Variants in RNF212 observed in about 807,000 individuals in gnomAD.
RNF212 encodes ring finger protein 212.
A neutral mutation model predicts 34.7 loss-of-function variants in RNF212; 33 were observed. The ratio of observed to expected loss-of-function variants is 0.95; its 90% CI spans 0.72 to 1.27. RNF212 has a LOEUF of 1.27. RNF212 is among the 50% of genes most tolerant of loss of function. The pLI, the probability that RNF212 is intolerant of heterozygous loss-of-function variation, is 0.00. For missense variants in RNF212, 377 were observed against 362.2 expected (o/e 1.04, Z -0.33); for synonymous variants, 140 against 136.1 (o/e 1.03, Z -0.20).
At chr4:1,095,509 A>G (rs1722936427) in intron 3 of RNF212, among the ~76,000 whole-genome samples, 1 of 83,098 alleles carries the variant, frequency 1.2e-5, no homozygotes. Context: ...AACCAAGCAC[A>G]ACTCCCACAG....
Position 1,073,588 on chromosome 4 carries a change from A to C in RNF212, c.574+11T>G. 6.3e-7 allele frequency: 1 copy of C among 1,581,170 alleles called. No homozygotes were observed. Among genetic ancestry groups the C allele is most frequent in the Admixed American group, 1.7e-5 (1 of 59,944 alleles). ...ATGTATCGGTCTGAGGTTACAGGAC[A>C]TTTTACTTACCCATTCGTCCATCTT... On this transcript the variant is annotated intron_variant, in intron 9 of 9. Transcript: ENST00000433731.
At chr4:1,074,291 G>C (rs1394964931) in intron 8 of RNF212, among the ~76,000 whole-genome samples, 1 of 152,152 alleles carries the variant, frequency 6.6e-6, no homozygotes, top group East Asian at 1.9e-4. Flanking sequence ...ACTTCTAGTT[G>C]CTGCCCCTTC....
Position 1,072,692 on chromosome 4 carries a change from ATT to A in RNF212, c.*180_*181del, listed in dbSNP as rs1718635887. 10 of 1,332,276 alleles carry A rather than the reference ATT, an allele frequency of 7.5e-6. No homozygotes were observed. The highest frequency in any genetic ancestry group is 9.8e-6 in the Non-Finnish European group (10 of 1,019,768). The allele number at this position is 1,332,276 out of a possible 1,614,324, so 82.5% of individuals were successfully genotyped here. On this transcript the variant is annotated 3_prime_UTR_variant, in exon 10 of 10. Transcript: ENST00000433731. ...ACAATATATATGAGTACATAAAAATATTGTCTCTAAAATTCAAAGGTCAAATA... is the reference window on the plus strand; with the variant it reads ...ACAATATATATGAGTACATAAAAATAGTCTCTAAAATTCAAAGGTCAAATA...
rs1181536240 is a variant in RNF212 at position 1,073,645 on chromosome 4, G to A, written c.528C>T (p.Gly176=). Residue 176 remains glycine (G), a synonymous_variant, in exon 9 of 10, where the codon GGC becomes GGT. Transcript: ENST00000433731. ...GACTAATCATGGAGATTCTCGCAGG[G>A]CCGGCTGCTATCTCAGACTAAGAAT... ...SPIRKSEIAA[G]PARISMISPP... The A allele has an allele frequency of 6.2e-7, 1 of 1,611,646 alleles. No individual in the cohort carries two copies. The highest frequency in any genetic ancestry group is 8.5e-7 in the Non-Finnish European group (1 of 1,178,332).
In RNF212 at chr4:1,100,890, CAT is replaced by C; in HGVS notation, c.172-4053_172-4052del. On this transcript the variant is annotated intron_variant, in intron 2 of 9. Coordinates refer to ENST00000433731, the MANE Select transcript of RNF212 (RefSeq NM_001131034.4). ...ACAGAGGGCAGACGCTCTCATGTCA[CAT>C]GAGCAAATAGTTCCTTTACTGCTGC... 3 of 163,868 alleles carry C rather than the reference CAT, an allele frequency of 1.8e-5. No homozygotes were observed. In the Middle Eastern group the frequency reaches 2.0e-3, roughly 111 times the overall value. 10.2% of individuals were successfully genotyped at this position (163,868 alleles called of 1,614,324 possible).
At chr4:1,063,319 A>G (rs1717870975) in intron 3 of RNF212, among the ~76,000 whole-genome samples, 1 of 152,272 alleles carries the variant, frequency 6.6e-6, no homozygotes, top group African/African-American at 2.4e-5. Flanking sequence ...ATAAAGCTTT[A>G]GTAAGTGAAA....
chr4:1,082,970 G>A (rs542895031), intron 5 of RNF212, among the ~76,000 whole-genome samples: 3 of 152,324 alleles, frequency 2.0e-5, no homozygotes, highest in East Asian at 1.9e-4. Context: ...GACAACAAAA[G>A]TGGGTGGCAC....
In RNF212 at chr4:1,072,682, A is replaced by G; in HGVS notation, c.*192T>C. The G allele has an allele frequency of 7.8e-7, 1 of 1,287,176 alleles. No homozygotes were observed. The highest frequency in any genetic ancestry group is 1.0e-6 in the Non-Finnish European group (1 of 981,498). The allele number at this position is 1,287,176 out of a possible 1,614,324, so 79.7% of individuals were successfully genotyped here. A position where few individuals can be genotyped will look rare whatever the true frequency, so the allele number is the denominator to read the frequency against. On this transcript the variant is annotated 3_prime_UTR_variant, in exon 10 of 10. Coordinates refer to ENST00000433731, the MANE Select transcript of RNF212 (RefSeq NM_001131034.4). The stretch of plus-strand genomic sequence containing the variant: ...AGGGATAATAACAATATATATGAGT[A>G]CATAAAAATATTGTCTCTAAAATTC...
intron 2 of RNF212, among the ~76,000 whole-genome samples, chr4:1,105,408 T>C (rs1397041200): frequency 6.6e-6 from 1 of 152,194 alleles, no homozygotes; most frequent in Non-Finnish European, 1.5e-5. Flanking sequence ...TGCCCTATTC[T>C]GTGCGTTCAA....
rs1643825265 is a variant in RNF212, at chr4:1,090,801, A to G, written c.284T>C (p.Leu95Ser). The change falls in exon 4 of 10, where the codon TTA becomes TCA. Residue 95 changes from leucine to serine, a missense_variant. Leu to Ser is a moderately radical substitution (Grantham distance 145). Transcript: ENST00000433731. Reference sequence around the variant, plus strand: ...ACTTACCTTTTCTCTATAGAAGGCTAACAATCTCTTCCTGTGTTTTTCTTG... The same window carrying G: ...ACTTACCTTTTCTCTATAGAAGGCTGACAATCTCTTCCTGTGTTTTTCTTG... ...EFQEKHRKRLLAFYREKISRL... is the reference protein window; with the variant it reads ...EFQEKHRKRLSAFYREKISRL... The G allele has an allele frequency of 1.3e-6, 2 of 1,590,662 alleles. No homozygotes were observed. Among genetic ancestry groups the G allele is most frequent in the Non-Finnish European group, 1.7e-6 (2 of 1,159,682 alleles).
intron 5 of RNF212, among the ~76,000 whole-genome samples, chr4:1,084,493 G>A (rs958189455): frequency 4.6e-5 from 7 of 152,062 alleles, no homozygotes; most frequent in Admixed American, 3.9e-4. Context: ...ACTTTGGGAC[G>A]CTGAGGTGGG....
At chr4:1,096,527 A>G in intron 3 of RNF212, 3 of 483,608 alleles carry the variant, frequency 6.2e-6, no homozygotes, top group Non-Finnish European at 1.1e-5. Context: ...CCACAGCTCC[A>G]CGGTCTCAGG....
At chr4:1,113,626 C>T (rs1049110245), upstream of RNF212, 1 of 512,168 alleles carries the variant, frequency 2.0e-6, no homozygotes, top group Non-Finnish European at 3.4e-6. Context: ...CTCCCGCCAA[C>T]CTCGCGGGTT....
chr4:1,094,466 G>C (rs1370200130), intron 3 of RNF212, among the ~76,000 whole-genome samples: 1 of 152,196 alleles, frequency 6.6e-6, no homozygotes, highest in African/African-American at 2.4e-5. Context: ...GGAAGAAACA[G>C]GTAGAGAATG....
downstream of RNF212, among the ~76,000 whole-genome samples, chr4:1,068,188 G>C (rs1268830958): frequency 6.6e-6 from 1 of 152,196 alleles, no homozygotes; most frequent in African/African-American, 2.4e-5. Context: ...AGGTTAGAGG[G>C]CTATGCCGTC....
At chr4:1,056,410 G>C (rs1717333900) in exon 5 of RNF212, 1 of 535,448 alleles carries the variant, frequency 1.9e-6, no homozygotes, top group Non-Finnish European at 2.4e-6. Flanking sequence ...CATCTTTCAG[G>C]TGTCACTGCC....
intron 3 of RNF212, among the ~76,000 whole-genome samples, chr4:1,094,680 G>A (rs1435728298): frequency 1.3e-5 from 2 of 152,182 alleles, no homozygotes; most frequent in African/African-American, 4.8e-5. Flanking sequence ...GGGATTGGAG[G>A]CCTGGGAGGC....
chr4:1,056,398 C>T lies in RNF212; in HGVS notation n.326G>A, dbSNP rs1717333412. 9.4e-6 allele frequency: 4 copies of T among 423,362 alleles called. No individual in the cohort carries two copies. The South Asian group carries it at 4.0e-4, about 42-fold the overall frequency. 26.2% of individuals were successfully genotyped at this position (423,362 alleles called of 1,614,324 possible). On this transcript the variant is annotated non_coding_transcript_exon_variant, in exon 5 of 5. Coordinates refer to the RNF212 transcript ENST00000503206. ...AGGGGGCAGAGCGGGTGGCTGGGTG[C>T]TCATCTTTCAGGTGTCACTGCCCCA...
chr4:1,111,869 T>G (rs1725717857), intron 1 of RNF212, among the ~76,000 whole-genome samples: 1 of 152,178 alleles, frequency 6.6e-6, no homozygotes, highest in Non-Finnish European at 1.5e-5. Context: ...ATGAGTAACT[T>G]GGGGTGTATC....
Sources: gnomAD v4.1 joint callset for allele counts (sites outside exome capture counted in the v4.1 genomes callset) on GRCh38, gnomAD v4.1.1 for gene constraint, MANE v1.5 for transcripts, NCBI Gene and HGNC (gene_info 2026-07-23, HGNC 2026-07-21) for gene names.